Variants in LAMA3 observed in about 807,000 individuals in gnomAD.
LAMA3 encodes laminin subunit alpha 3.
A neutral mutation model predicts 402.0 loss-of-function variants in LAMA3; 281 were observed. The ratio of observed to expected loss-of-function variants is 0.70; its 90% CI spans 0.63 to 0.77. LAMA3 has a LOEUF of 0.77. LAMA3 is among the 30% of genes least tolerant of loss of function. The probability of loss-of-function intolerance (pLI) is 0.00; values close to 1 mark genes in which losing one functional copy is unlikely to be tolerated. For missense variants in LAMA3, 3,840 were observed against 4,215.5 expected (o/e 0.91, Z 2.47); for synonymous variants, 1,431 against 1,558.4 (o/e 0.92, Z 1.93).
At chr18:23,797,399 T>C (rs1472423238) in intron 12 of LAMA3, among the ~76,000 whole-genome samples, 1 of 152,222 alleles carries the variant, frequency 6.6e-6, no homozygotes, top group African/African-American at 2.4e-5. Flanking sequence ...CTTACTGCTT[T>C]GCTCTTTCTT....
At chr18:23,871,726 C>G in intron 38 of LAMA3, 65 bp downstream of exon 38, 7 of 1,319,112 alleles carry the variant, frequency 5.3e-6, no homozygotes, top group Non-Finnish European at 7.5e-6. Flanking sequence ...TGGCTGCTGT[C>G]CAGCACTGTG....
intron 21 of LAMA3, among the ~76,000 whole-genome samples, chr18:23,826,328 G>T (rs1431281178): frequency 1.3e-5 from 2 of 152,210 alleles, no homozygotes; most frequent in Non-Finnish European, 2.9e-5. Context: ...AGTAGAAAGT[G>T]ATCCACATTC....
intron 41 of LAMA3, among the ~76,000 whole-genome samples, chr18:23,889,576 A>G (rs765000952): frequency 6.6e-6 from 1 of 151,002 alleles, no homozygotes; most frequent in Non-Finnish European, 1.5e-5. Flanking sequence ...AAAGAAAGAA[A>G]GAAAGAAAAG....
intron 39 of LAMA3, among the ~76,000 whole-genome samples, chr18:23,880,435 A>C (rs555726597): frequency 1.9e-4 from 29 of 152,344 alleles, no homozygotes; most frequent in African/African-American, 7.0e-4. Flanking sequence ...CAGTTACTCA[A>C]AGGTTAGTGA....
At chr18:23,954,362 T>A in intron 74 of LAMA3, 141 bp from the exon 75 acceptor site, 1 of 698,842 alleles carries the variant, frequency 1.4e-6, no homozygotes, top group Non-Finnish European at 2.4e-6. Flanking sequence ...GTGATCACAC[T>A]ACTGTACTTC....
At position 23,901,112 on chromosome 18, in the gene LAMA3, G is replaced by C; in HGVS notation, c.6005-15G>C. On this transcript the variant is annotated splice_polypyrimidine_tract_variant and intron_variant, in intron 47 of 74. Coordinates refer to ENST00000313654, the MANE Select transcript of LAMA3 (RefSeq NM_198129.4). ...CTCATCTGTCAAATAGAAAACATGA[G>C]GTGATGTATTACAGTGCTGAACCGG... The C allele has an allele frequency of 6.2e-7, 1 of 1,609,112 alleles. No homozygotes were observed.
chr18:23,943,163 G>C (rs187259945), intron 68 of LAMA3, among the ~76,000 whole-genome samples: 2 of 152,166 alleles, frequency 1.3e-5, no homozygotes, highest in African/African-American at 4.8e-5. Context: ...AAAAGTACAG[G>C]CTTCTCAGTG....
chr18:23,749,396 T>A (rs1291348378), intron 3 of LAMA3, 32 bp from the exon 4 acceptor site: 8 of 1,074,060 alleles, frequency 7.4e-6, no homozygotes, highest in Non-Finnish European at 9.8e-6. Flanking sequence ...GATAATATTT[T>A]GTTTTATAAT....
chr18:23,922,776 T>C (rs1158468970), intron 62 of LAMA3, among the ~76,000 whole-genome samples: 1 of 152,220 alleles, frequency 6.6e-6, no homozygotes, highest in Non-Finnish European at 1.5e-5. Context: ...TCGTTTAAGG[T>C]AGTTTTTTCG....
chr18:23,848,440 C>A (rs190491107), intron 32 of LAMA3, among the ~76,000 whole-genome samples: 87 of 152,192 alleles, frequency 5.7e-4, no homozygotes, highest in African/African-American at 1.8e-3. Flanking sequence ...GCTGCAGGGG[C>A]CAGAGAAAGC....
chr18:23,765,553 AC>A (rs1308239199), intron 8 of LAMA3, among the ~76,000 whole-genome samples: 1 of 152,168 alleles, frequency 6.6e-6, no homozygotes, highest in Non-Finnish European at 1.5e-5. Flanking sequence ...CTAGGCTACA[AC>A]CCTAGATTTT....
intron 67 of LAMA3, among the ~76,000 whole-genome samples, chr18:23,935,435 A>G (rs1176096214): frequency 6.6e-6 from 1 of 152,194 alleles, no homozygotes; most frequent in East Asian, 1.9e-4. Context: ...ACGTCAGCGA[A>G]TACACTTTCA....
At chr18:23,767,100 A>G (rs1313535481) in intron 8 of LAMA3, among the ~76,000 whole-genome samples, 1 of 152,182 alleles carries the variant, frequency 6.6e-6, no homozygotes, top group Non-Finnish European at 1.5e-5. Flanking sequence ...ACACAATCCC[A>G]TTTACAGTAA....
At position 23,767,383 on chromosome 18, in the gene LAMA3, C is replaced by CA. The variant is rs201258574; in HGVS notation, c.1182+3867dup. Among the ~76,000 whole-genome samples the CA allele has an allele frequency of 7.0e-3, 1,065 of 151,694 alleles. 14 individuals carry two copies. Among genetic ancestry groups the CA allele is most frequent in the African/African-American group, 0.025 (1,028 of 41,376 alleles). ...AACTATTCTAAAATTCAGAAGAAACCAAAAAAAGAGCCCAAATAGCCAAAG... is the reference window on the plus strand; with the variant it reads ...AACTATTCTAAAATTCAGAAGAAACCAAAAAAAAGAGCCCAAATAGCCAAAG... On this transcript the variant is annotated intron_variant, in intron 8 of 74. Transcript: ENST00000313654.
At chr18:23,723,453 C>G (rs993517898) in intron 2 of LAMA3, among the ~76,000 whole-genome samples, 2 of 151,582 alleles carry the variant, frequency 1.3e-5, no homozygotes, top group African/African-American at 4.9e-5. Flanking sequence ...CAGACCAAAA[C>G]TATATGTAAA....
chr18:23,719,502 T>C (rs1462229405), intron 2 of LAMA3, among the ~76,000 whole-genome samples: 1 of 152,188 alleles, frequency 6.6e-6, no homozygotes, highest in East Asian at 1.9e-4. Flanking sequence ...AACTGCATTA[T>C]AAATTTTAAG....
At chr18:23,712,326 C>G (rs2061006700) in intron 1 of LAMA3, among the ~76,000 whole-genome samples, 1 of 148,522 alleles carries the variant, frequency 6.7e-6, no homozygotes, top group Non-Finnish European at 1.5e-5. Flanking sequence ...TTGCGGTGAG[C>G]TGAGATCATG....
In LAMA3 at chr18:23,879,862, T is replaced by C. The variant is rs1450391006; in HGVS notation, c.5113-2074T>C. On this transcript the variant is annotated intron_variant, in intron 39 of 74. Coordinates refer to ENST00000313654, the MANE Select transcript of LAMA3 (RefSeq NM_198129.4). This position sits in a 1 kb window ranked among gnomAD's most constrained non-coding sequence, Gnocchi z 4.2. ...TCTCACCCCTGTGAAGGACCAGTAC[T>C]CAGAGTGATTTTAGTAGGATACGGA... Among the ~76,000 whole-genome samples, 1 of 152,192 alleles carries C rather than the reference T, an allele frequency of 6.6e-6. No individual in the cohort carries two copies. The highest frequency in any genetic ancestry group is 1.5e-5 in the Non-Finnish European group (1 of 68,030).
chr18:23,805,774 A>AGT (rs1444368077), intron 12 of LAMA3, among the ~76,000 whole-genome samples: 1 of 152,182 alleles, frequency 6.6e-6, no homozygotes, highest in Admixed American at 6.5e-5. Flanking sequence ...CCTTTTTGCC[A>AGT]GTGTGTAGTC....
Sources: gnomAD v4.1 joint callset for allele counts (sites outside exome capture counted in the v4.1 genomes callset) on GRCh38, gnomAD v4.1.1 for gene constraint, Gnocchi (gnomAD v3.1) non-coding constraint, MANE v1.5 for transcripts, NCBI Gene and HGNC (gene_info 2026-07-23, HGNC 2026-07-21) for gene names.